Variants in ADGRL4 observed in about 807,000 individuals in gnomAD.
The protein encoded by ADGRL4 is EGF, latrophilin and seven transmembrane domain containing 1.
ADGRL4 carries 90 observed loss-of-function variants against 74.8 expected under a neutral mutation model. The observed-to-expected ratio is 1.20, with a 90% CI of 1.02 to 1.43. ADGRL4 has a LOEUF of 1.43. ADGRL4 is among the 40% of genes most tolerant of loss of function. The probability of loss-of-function intolerance (pLI) is 0.00; values close to 1 mark genes in which losing one functional copy is unlikely to be tolerated. For missense variants in ADGRL4, 881 were observed against 814.3 expected, an observed-to-expected ratio of 1.08 and a Z score of -1.00; for synonymous variants, 311 against 279.2, an observed-to-expected ratio of 1.11 and a Z score of -1.14.
chr1:78,938,104 A>G lies in ADGRL4; in HGVS notation c.572T>C (p.Leu191Pro). The G allele has an allele frequency of 2.5e-6, 4 of 1,612,320 alleles. No homozygotes were observed. The highest frequency in any genetic ancestry group is 3.4e-6 in the Non-Finnish European group (4 of 1,179,460). The change falls in exon 5 of 15, where the codon CTT (leucine) becomes CCT (proline). Residue 191 changes from leucine (L) to proline (P), a missense_variant. Physicochemically the swap from Leu to Pro is moderately conservative, Grantham distance 98 (BLOSUM62 -3). Transcript: ENST00000370742. ...SAKDTLSNST[L>P]TEFVKTVNNF... is the part of the protein sequence containing the mutation. Reference sequence around the variant, plus strand: ...GTTAAAGCTGAACATACTTACAGTAAGAGTTGAGTTAGAAAGGGTGTCCTT... The same window carrying G: ...GTTAAAGCTGAACATACTTACAGTAGGAGTTGAGTTAGAAAGGGTGTCCTT...
chr1:78,958,300 T>C (rs1053285255), intron 2 of ADGRL4, among the ~76,000 whole-genome samples: 1 of 152,128 alleles, frequency 6.6e-6, no homozygotes, highest in African/African-American at 2.4e-5. Context: ...AAATACACTT[T>C]TATAAGGTTG....
intron 2 of ADGRL4, among the ~76,000 whole-genome samples, chr1:78,951,078 C>G (rs1391801843): frequency 1.3e-5 from 2 of 152,286 alleles, no homozygotes; most frequent in African/African-American, 4.8e-5. Flanking sequence ...TGGCATTTCT[C>G]AGCTCCTGAG....
Position 78,891,563 on chromosome 1 carries a change from C to T in ADGRL4, c.1971G>A (p.Gly657=), listed in dbSNP as rs749763189. 17 of 1,613,328 alleles carry T rather than the reference C, an allele frequency of 1.1e-5. No individual in the cohort carries two copies. Among genetic ancestry groups the T allele is most frequent in the South Asian group, 6.6e-5 (6 of 91,040 alleles). ...CACACAGGAATAAAAAAATGAACAT[C>T]CCCTGGAAAGCATTGCTGACTGTGA... is the stretch of plus-strand genomic sequence containing the variant. ...YLFTVSNAFQ[G]MFIFLFLCVL... is the part of the protein sequence containing the mutation. Residue 657 remains glycine, a synonymous_variant, in exon 14 of 15, where the codon GGG becomes GGA. Transcript: ENST00000370742.
intron 12 of ADGRL4, among the ~76,000 whole-genome samples, chr1:78,902,728 T>C (rs912348827): frequency 4.6e-5 from 7 of 152,204 alleles, no homozygotes; most frequent in African/African-American, 1.7e-4. Context: ...TTAATAAGTA[T>C]TACTATGGTT....
At chr1:78,991,804 T>C (rs541898605) in intron 2 of ADGRL4, among the ~76,000 whole-genome samples, 1 of 152,064 alleles carries the variant, frequency 6.6e-6, no homozygotes, top group African/African-American at 2.4e-5. Flanking sequence ...CAAAAAGTAG[T>C]TTACATCCTT....
chr1:78,902,960 T>A (rs1570213894), intron 12 of ADGRL4, among the ~76,000 whole-genome samples: 2 of 152,158 alleles, frequency 1.3e-5, no homozygotes, highest in East Asian at 3.9e-4. Context: ...AACTGTATAA[T>A]CATTTCATGA....
At chr1:78,968,503 T>A (rs1602053) in intron 2 of ADGRL4, among the ~76,000 whole-genome samples, 1 of 97,694 alleles carries the variant, frequency 1.0e-5, no homozygotes, top group Non-Finnish European at 2.1e-5. Context: ...TGGAGGGCGG[T>A]GGGGGGGTGG....
intron 2 of ADGRL4, among the ~76,000 whole-genome samples, chr1:78,995,246 T>C (rs1650690470): frequency 6.6e-6 from 1 of 152,206 alleles, no homozygotes; most frequent in Admixed American, 6.5e-5. Context: ...ATATGACATT[T>C]AATGTCTTAC....
At chr1:78,992,884 A>G (rs371995567) in intron 2 of ADGRL4, among the ~76,000 whole-genome samples, 3 of 152,202 alleles carry the variant, frequency 2.0e-5, no homozygotes, top group South Asian at 2.1e-4. Context: ...CTTCAGACCA[A>G]TTGATGTTTG....
intron 2 of ADGRL4, among the ~76,000 whole-genome samples, chr1:78,962,736 T>G (rs959983957): frequency 6.6e-6 from 1 of 152,184 alleles, no homozygotes; most frequent in Admixed American, 6.6e-5. Context: ...GAATTTAACT[T>G]CAGTGATTTT....
intron 1 of ADGRL4, among the ~76,000 whole-genome samples, chr1:79,006,369 G>A (rs1414587539): frequency 6.6e-6 from 1 of 152,072 alleles, no homozygotes; most frequent in African/African-American, 2.4e-5. Flanking sequence ...AATTTCTTCG[G>A]GGCAGAACAG....
At chr1:78,950,917 A>G (rs1328419043) in intron 2 of ADGRL4, among the ~76,000 whole-genome samples, 2 of 152,134 alleles carry the variant, frequency 1.3e-5, no homozygotes, top group Admixed American at 6.6e-5. Flanking sequence ...TTTTGGACAT[A>G]AAATGTTGAT....
chr1:78,963,757 C>T (rs1350353560), intron 2 of ADGRL4, among the ~76,000 whole-genome samples: 1 of 151,848 alleles, frequency 6.6e-6, no homozygotes, highest in East Asian at 1.9e-4. Flanking sequence ...AAAATCAAGG[C>T]CCCAAGAAAT....
At chr1:78,998,148 G>T (rs1227613304) in intron 2 of ADGRL4, among the ~76,000 whole-genome samples, 1 of 151,986 alleles carries the variant, frequency 6.6e-6, no homozygotes, top group Non-Finnish European at 1.5e-5. Context: ...TTTGCTGCAG[G>T]GTTCTTTATG....
At chr1:78,994,657 T>A (rs1429950511) in intron 2 of ADGRL4, among the ~76,000 whole-genome samples, 1 of 152,210 alleles carries the variant, frequency 6.6e-6, no homozygotes, top group Non-Finnish European at 1.5e-5. Flanking sequence ...CAATTATTAC[T>A]GACAGATAAA....
intron 12 of ADGRL4, among the ~76,000 whole-genome samples, chr1:78,895,189 C>A (rs12119116): frequency 0.038 from 5,802 of 151,934 alleles, 138 homozygotes; most frequent in South Asian, 0.085. Flanking sequence ...TATCAAAAGG[C>A]GTTATAGTTT....
At chr1:78,940,418 A>G (rs1649451672) in intron 3 of ADGRL4, among the ~76,000 whole-genome samples, 1 of 152,174 alleles carries the variant, frequency 6.6e-6, no homozygotes. Flanking sequence ...TACATTCTCA[A>G]AAGCCATGTA....
chr1:78,920,295 C>G lies in ADGRL4; in HGVS notation c.1349G>C (p.Trp450Ser). Reference protein sequence around the residue: ...ICLAICIFTFWFFSEIQSTRT... With the variant: ...ICLAICIFTFSFFSEIQSTRT... ...GGTGCTTTGAATTTCACTGAAGAACCAGAAGGTAAAAATGCATATGGCAAG... is the reference window on the plus strand; with the variant it reads ...GGTGCTTTGAATTTCACTGAAGAACGAGAAGGTAAAAATGCATATGGCAAG... Residue 450 changes from tryptophan to serine, a missense_variant, in exon 10 of 15, where the codon TGG becomes TCG. Trp to Ser is a radical substitution (Grantham distance 177, BLOSUM62 -3). Transcript: ENST00000370742. 1 of 1,611,714 alleles carries G rather than the reference C, an allele frequency of 6.2e-7. No homozygotes were observed. The highest frequency in any genetic ancestry group is 8.5e-7 in the Non-Finnish European group (1 of 1,178,566).
chr1:78,931,104 A>G (rs1361366797), intron 7 of ADGRL4, among the ~76,000 whole-genome samples: 2 of 151,354 alleles, frequency 1.3e-5, no homozygotes, highest in African/African-American at 2.5e-5. Context: ...ATACTCCACG[A>G]GAAGATCAAC....
Sources: allele counts gnomAD v4.1 joint callset (sites outside exome capture counted in the v4.1 genomes callset), GRCh38; gene constraint gnomAD v4.1.1; transcripts MANE v1.5; gene names NCBI Gene and HGNC (gene_info 2026-07-23, HGNC 2026-07-21).